PHYKPL: variants seen among roughly 807,000 people sequenced by gnomAD.
PHYKPL encodes 5-phosphohydroxy-L-lysine phospho-lyase, also known as 5-phosphonooxy-L-lysine phospho-lyase.
Under a neutral mutation model 51.3 loss-of-function variants are expected in PHYKPL, and 42 were observed. The ratio of observed to expected loss-of-function variants is 0.82; its 90% CI spans 0.64 to 1.06. The LOEUF (loss-of-function observed/expected upper bound fraction) is 1.06, where lower values mean the gene tolerates loss of function less well. Among genes scored for constraint, PHYKPL ranks in the 50% least tolerant of loss-of-function variants. The pLI, the probability that PHYKPL is intolerant of heterozygous loss-of-function variation, is 0.00. For missense variants in PHYKPL, 655 were observed against 586.6 expected, an observed-to-expected ratio of 1.12 and a Z score of -1.20; for synonymous variants, 264 against 236.0, an observed-to-expected ratio of 1.12 and a Z score of -1.09.
intron 3 of PHYKPL, chr5:178,228,414 AT>A: frequency 3.1e-6 from 2 of 640,168 alleles, no homozygotes; most frequent in East Asian, 5.4e-5. Flanking sequence ...ATTGCTTTGG[AT>A]TTGGCAACAT....
intron 9 of PHYKPL, 62 bp downstream of exon 9, chr5:178,215,214 A>C: frequency 1.9e-6 from 3 of 1,608,334 alleles, no homozygotes; most frequent in Non-Finnish European, 2.5e-6. Flanking sequence ...TAGGAGGTGA[A>C]GAAAATGGTA....
At chr5:178,210,288 G>C in intron 12 of PHYKPL, 2 of 1,614,078 alleles carry the variant, frequency 1.2e-6, no homozygotes, top group South Asian at 1.1e-5. Context: ...TAGGAGAGAG[G>C]GAGGCCCCAT....
downstream of PHYKPL, chr5:178,207,286 A>T: frequency 6.2e-7 from 1 of 1,600,684 alleles, no homozygotes; most frequent in Middle Eastern, 1.7e-4. Context: ...CCTTAGAGGG[A>T]TGGGTTAGGG....
chr5:178,227,113 G>A (rs1384170023), intron 3 of PHYKPL, among the ~76,000 whole-genome samples: 2 of 151,586 alleles, frequency 1.3e-5, no homozygotes, highest in Non-Finnish European at 2.9e-5. Context: ...CCGGTAGCTC[G>A]CAATGGCCCG....
In PHYKPL at chr5:178,222,925, A is replaced by C. The variant is rs1232073075; in HGVS notation, c.628T>G (p.Phe210Val). Residue 210 changes from phenylalanine to valine, a missense_variant, in exon 7 of 13, where the codon TTC becomes GTC. Transcript: ENST00000308158. ...AQEKGRKIAAFFAESLPSVGG... is the reference protein window; with the variant it reads ...AQEKGRKIAAVFAESLPSVGG... ...ACACTGGGCAGAGACTCAGCGAAGA[A>C]GGCTGCAATCTGTGAAGAGATGGAC... 3.7e-6 allele frequency: 6 copies of C among 1,614,116 alleles called. No individual in the cohort carries two copies. The highest frequency in any genetic ancestry group is 5.1e-6 in the Non-Finnish European group (6 of 1,180,002).
downstream of PHYKPL, among the ~76,000 whole-genome samples, chr5:178,207,643 A>ACC (rs1275747597): frequency 6.5e-5 from 9 of 139,162 alleles, no homozygotes; most frequent in South Asian, 1.8e-3. Context: ...GAGCCTTTCT[A>ACC]CCTCCTTCTA....
chr5:178,209,363 T>TATCA (rs1561667818), intron 12 of PHYKPL: 1 of 1,614,074 alleles, frequency 6.2e-7, no homozygotes, highest in Non-Finnish European at 8.5e-7. Flanking sequence ...CAAAGAAGTC[T>TATCA]ATCAGCAGCA....
chr5:178,212,114 GGCA>G (rs1758638011), intron 11 of PHYKPL, 144 bp from the exon 12 acceptor site: 8 of 799,756 alleles, frequency 1.0e-5, no homozygotes, highest in Non-Finnish European at 1.6e-5. Context: ...CCAAAGGGGT[GGCA>G]GCAGTTTCCT....
In PHYKPL at chr5:178,208,508, C is replaced by T. The variant is rs1014743936; in HGVS notation, c.*439G>A. 5.9e-5 allele frequency: 9 copies of T among 152,104 alleles called. No individual in the cohort carries two copies. Among genetic ancestry groups the T allele is most frequent in the Non-Finnish European group, 8.8e-5 (6 of 68,032 alleles). The allele number at this position is 152,104 out of a possible 1,614,324, so 9.4% of individuals were successfully genotyped here. ...GTAAGTATATTTAGTTGGTTATATT[C>T]AGTATTTTTAATTTAGTAGGATAGA... On this transcript the variant is annotated 3_prime_UTR_variant, in exon 13 of 13. Coordinates refer to ENST00000308158, the MANE Select transcript of PHYKPL (RefSeq NM_153373.4).
At chr5:178,230,325 AC>A in intron 2 of PHYKPL, 2 of 540,834 alleles carry the variant, frequency 3.7e-6, no homozygotes, top group South Asian at 2.4e-5. Flanking sequence ...CAGCAGAAGA[AC>A]CCTGTCTAGA....
At chr5:178,228,241 A>C (rs1762671581) in intron 3 of PHYKPL, 5 of 406,820 alleles carry the variant, frequency 1.2e-5, no homozygotes, top group African/African-American at 4.0e-5. Flanking sequence ...ATCAGCCCCA[A>C]GGAACAGAGG....
Position 178,211,937 on chromosome 5 carries a change from A to G in PHYKPL, c.1337T>C (p.Leu446Pro). 1 of 1,614,218 alleles carries G rather than the reference A, an allele frequency of 6.2e-7. No homozygotes were observed. Among genetic ancestry groups the G allele is most frequent in the Non-Finnish European group, 8.5e-7 (1 of 1,180,024 alleles). ...AGGGCTGGCTTAGGGCTGGAGCCTC[A>G]GCGTTTCACAACTTCTCACCTTCTC... ...MEEKVRSCETLRLQP is the reference protein window; with the variant it reads ...MEEKVRSCETPRLQP Residue 446 changes from leucine (L) to proline (P), a missense_variant, in exon 12 of 13, where the codon CTG becomes CCG. By Grantham distance (98) the Leu-to-Pro change is moderately conservative. Transcript: ENST00000308158.
chr5:178,215,693 G>C lies in PHYKPL; in HGVS notation c.928-263C>G. 15 of 464,804 alleles carry C rather than the reference G, an allele frequency of 3.2e-5. 1 individual carries two copies. In the South Asian group the frequency reaches 4.8e-4, roughly 15 times the overall value. The allele number at this position is 464,804 out of a possible 1,614,324, so 28.8% of individuals were successfully genotyped here. On this transcript the variant is annotated intron_variant, in intron 8 of 12. Transcript: ENST00000308158. ...GGAGCCCCTAGAAGATACAGAATCA[G>C]AGGAGAGGGTGTCCTGTTTGTTCCC...
At chr5:178,209,279 A>C (rs1203997883) in intron 12 of PHYKPL, 1 of 1,438,296 alleles carries the variant, frequency 7.0e-7, no homozygotes. Context: ...TTGGGCAGTC[A>C]CTGCCCTGAG....
intron 3 of PHYKPL, among the ~76,000 whole-genome samples, chr5:178,227,514 C>G (rs1762527614): frequency 6.6e-6 from 1 of 152,170 alleles, no homozygotes; most frequent in African/African-American, 2.4e-5. Context: ...GATGGAGCAG[C>G]ATGCTCCAAG....
intron 2 of PHYKPL, 47 bp from the exon 3 acceptor site, chr5:178,230,146 T>C: frequency 6.2e-7 from 1 of 1,606,922 alleles, no homozygotes; most frequent in Non-Finnish European, 8.5e-7. Flanking sequence ...ACTCAGCCAG[T>C]CCCACTGGGC....
At chr5:178,219,313 G>GATAT (rs1166152513) in intron 8 of PHYKPL, among the ~76,000 whole-genome samples, 1 of 151,820 alleles carries the variant, frequency 6.6e-6, no homozygotes, top group Non-Finnish European at 1.5e-5. Flanking sequence ...TAGCATAATA[G>GATAT]ATATGTATGT....
chr5:178,214,544 T>G (rs904325081), intron 10 of PHYKPL, among the ~76,000 whole-genome samples: 5 of 152,182 alleles, frequency 3.3e-5, no homozygotes, highest in Non-Finnish European at 5.9e-5. Flanking sequence ...GGGAATAGCC[T>G]GTGTCTCATC....
intron 11 of PHYKPL, 34 bp downstream of exon 11, chr5:178,212,939 T>C: frequency 6.2e-7 from 1 of 1,612,128 alleles, no homozygotes; most frequent in Non-Finnish European, 8.5e-7. Context: ...GGCTGAGTTC[T>C]AGAGATATGG....
Sources: allele counts gnomAD v4.1 joint callset (sites outside exome capture counted in the v4.1 genomes callset), GRCh38; gene constraint gnomAD v4.1.1; transcripts MANE v1.5; gene names NCBI Gene and HGNC (gene_info 2026-07-23, HGNC 2026-07-21).